Variants in CNOT4 observed in about 807,000 individuals in gnomAD.
CNOT4 encodes CCR4-associated factor 4.
A neutral mutation model predicts 73.8 loss-of-function variants in CNOT4; 8 were observed. The observed-to-expected ratio is 0.11, with a 90% CI of 0.06 to 0.20. The LOEUF (loss-of-function observed/expected upper bound fraction) is 0.20. Ranked by LOEUF, CNOT4 falls within the 10% of genes least tolerant of loss-of-function variation. The pLI is 1.00. For synonymous variants in CNOT4, 293 were observed against 321.1 expected, an observed-to-expected ratio of 0.91 and a Z score of 0.94; for missense variants, 564 against 883.4, an observed-to-expected ratio of 0.64 and a Z score of 4.58.
In CNOT4 at chr7:135,499,322, C is replaced by CA. The variant is rs569162633; in HGVS notation, c.-93+10566dup. ...GAAAAGGTATGTAGATAAAGGCAGC[C>CA]AAAAAAACAATGCCATCAATGCCAT... On this transcript the variant is annotated intron_variant, in intron 1 of 11. Transcript: ENST00000541284. 2.0e-3 allele frequency among the ~76,000 whole-genome samples: 303 copies of CA among 151,566 alleles called. 1 individual carries two copies. The highest frequency in any genetic ancestry group is 7.0e-3 in the African/African-American group (291 of 41,340).
chr7:135,500,660 C>T (rs1402029495), intron 1 of CNOT4, among the ~76,000 whole-genome samples: 4 of 152,296 alleles, frequency 2.6e-5, no homozygotes, highest in Admixed American at 6.5e-5. Context: ...TACCTTTATT[C>T]ATCCTTAAAG....
intron 10 of CNOT4, among the ~76,000 whole-genome samples, chr7:135,371,810 G>A (rs571492676): frequency 6.6e-6 from 1 of 152,264 alleles, no homozygotes; most frequent in Admixed American, 6.5e-5. Context: ...ACCCTTAGAA[G>A]CATCACAGAC....
At chr7:135,469,705 C>T (rs1399478290) in intron 1 of CNOT4, among the ~76,000 whole-genome samples, 1 of 152,166 alleles carries the variant, frequency 6.6e-6, no homozygotes, top group African/African-American at 2.4e-5. Flanking sequence ...TATGGCCTAG[C>T]AATTCCAATT....
In CNOT4 at chr7:135,431,737, C is replaced by T. The variant is rs192871113; in HGVS notation, c.174+6421G>A. Among the ~76,000 whole-genome samples, 546 of 81,732 alleles carry T rather than the reference C, an allele frequency of 6.7e-3. 4 individuals carry two copies. The highest frequency in any genetic ancestry group is 0.026 in the African/African-American group (525 of 20,036). The allele number at this position is 81,732 out of a possible 152,430, so 53.6% of individuals were successfully genotyped here. A position where few individuals can be genotyped will look rare whatever the true frequency, so the allele number is the denominator to read the frequency against. On this transcript the variant is annotated intron_variant, in intron 2 of 11. Transcript: ENST00000541284. ...CAGCCTGGGTGACATGAGTGAAACT[C>T]CATCTCAAAAAAAAAAAGAAACATA... is the stretch of plus-strand genomic sequence containing the variant.
At chr7:135,386,433 G>A (rs1212937934) in intron 10 of CNOT4, 2 of 152,076 alleles carry the variant, frequency 1.3e-5, no homozygotes, top group African/African-American at 4.8e-5. Flanking sequence ...AAAACCTGAA[G>A]CTTTTAAAGA....
At chr7:135,388,945 A>C in intron 10 of CNOT4, 1 of 1,568,938 alleles carries the variant, frequency 6.4e-7, no homozygotes, top group East Asian at 2.3e-5. Flanking sequence ...ATTTGTTAAC[A>C]GTCCCTTTAA....
chr7:135,490,155 C>T (rs779079759), intron 1 of CNOT4, among the ~76,000 whole-genome samples: 6 of 152,194 alleles, frequency 3.9e-5, no homozygotes, highest in Non-Finnish European at 5.9e-5. Flanking sequence ...ACGATTTCTT[C>T]GTTACATATT....
In CNOT4 at chr7:135,457,938, T is replaced by C. The variant is rs576748482; in HGVS notation, c.-92-19515A>G. Among the ~76,000 whole-genome samples the C allele has an allele frequency of 3.9e-5, 6 of 152,232 alleles. No homozygotes were observed. The East Asian group carries it at 9.6e-4, about 24-fold the overall frequency. On this transcript the variant is annotated intron_variant, in intron 1 of 11. Transcript: ENST00000541284. ...CAACATTTCTCCTTTGTGTAAATCA[T>C]AGGTTACGACTCTCAATGAATATTA...
At chr7:135,393,366 T>C (rs1192134542) in intron 10 of CNOT4, among the ~76,000 whole-genome samples, 2 of 152,148 alleles carry the variant, frequency 1.3e-5, no homozygotes, top group African/African-American at 4.8e-5. Flanking sequence ...AAAAGGTGTA[T>C]GTCTGAGACA....
chr7:135,368,870 G>A (rs908494956), intron 10 of CNOT4, among the ~76,000 whole-genome samples: 14 of 152,180 alleles, frequency 9.2e-5, no homozygotes, highest in African/African-American at 3.4e-4. Context: ...AGCACACACA[G>A]TTAGCATTAA....
intron 7 of CNOT4, among the ~76,000 whole-genome samples, chr7:135,398,503 A>G (rs1349046376): frequency 6.6e-6 from 1 of 152,082 alleles, no homozygotes; most frequent in Non-Finnish European, 1.5e-5. Context: ...AGAGCATTTC[A>G]GAGTTCAGAT....
chr7:135,376,026 G>GA (rs906008111), intron 10 of CNOT4, among the ~76,000 whole-genome samples: 124 of 140,512 alleles, frequency 8.8e-4, no homozygotes, highest in South Asian at 8.1e-3. Context: ...AAGTTCAGAG[G>GA]AAAAAAAAAA....
Position 135,364,730 on chromosome 7 carries a change from T to C in CNOT4, c.1628-664A>G, listed in dbSNP as rs1794823417. ...CAGTCTGCCTGCTCTACTCCAACAG[T>C]TCTACCAATCATTCACAGCCTGAGT... is the stretch of plus-strand genomic sequence containing the variant. On this transcript the variant is annotated intron_variant, in intron 10 of 11. Coordinates refer to ENST00000541284, the MANE Select transcript of CNOT4 (RefSeq NM_001190850.2). This position sits in a 1 kb window ranked among gnomAD's most constrained non-coding sequence, Gnocchi z 4.3. Among the ~76,000 whole-genome samples, 1 of 152,220 alleles carries C rather than the reference T, an allele frequency of 6.6e-6. No homozygotes were observed. The highest frequency in any genetic ancestry group is 1.5e-5 in the Non-Finnish European group (1 of 68,042).
rs1563083684 is a variant in CNOT4, at chr7:135,495,763, A to ATT, written c.-93+14125_-93+14126insAA. 1.9e-3 allele frequency among the ~76,000 whole-genome samples: 267 copies of ATT among 141,312 alleles called. 6 individuals carry two copies. Among genetic ancestry groups the ATT allele is most frequent in the African/African-American group, 6.0e-3 (230 of 38,022 alleles). 92.7% of individuals were successfully genotyped at this position (141,312 alleles called of 152,430 possible). A position where few individuals can be genotyped will look rare whatever the true frequency, so the allele number is the denominator to read the frequency against. ...GAAAGAAAGAAAGAAAGAAAGAAAG[A>ATT]AATTTAAGAACATTCAGGGCTGGGT... On this transcript the variant is annotated intron_variant, in intron 1 of 11. Coordinates refer to ENST00000541284, the MANE Select transcript of CNOT4 (RefSeq NM_001190850.2).
chr7:135,363,399 T>A lies in CNOT4; in HGVS notation c.1841-213A>T, dbSNP rs1794745498. On this transcript the variant is annotated intron_variant, in intron 11 of 11. Coordinates refer to ENST00000541284, the MANE Select transcript of CNOT4 (RefSeq NM_001190850.2). This position sits in a 1 kb window ranked among gnomAD's most constrained non-coding sequence, Gnocchi z 4.3. The stretch of plus-strand genomic sequence containing the variant: ...ATGCCTCCTCTTGAACTAGACTTAG[T>A]CCCCCACTGTCACAGAGGCAGAGCT... Among the ~76,000 whole-genome samples the A allele has an allele frequency of 6.6e-6, 1 of 152,148 alleles. No individual in the cohort carries two copies. The highest frequency in any genetic ancestry group is 2.4e-5 in the African/African-American group (1 of 41,430).
At chr7:135,481,528 A>C (rs1208812137) in intron 1 of CNOT4, among the ~76,000 whole-genome samples, 1 of 152,170 alleles carries the variant, frequency 6.6e-6, no homozygotes, top group African/African-American at 2.4e-5. Context: ...ACTATGAAAA[A>C]CAGTATGGAG....
chr7:135,382,364 G>A (rs1795894976), intron 10 of CNOT4, among the ~76,000 whole-genome samples: 1 of 152,168 alleles, frequency 6.6e-6, no homozygotes, highest in African/African-American at 2.4e-5. Flanking sequence ...GCAAATCACA[G>A]GGTGATAAGG....
At chr7:135,495,700 AAG>A (rs1803496805) in intron 1 of CNOT4, among the ~76,000 whole-genome samples, 1 of 39,608 alleles carries the variant, frequency 2.5e-5, no homozygotes, top group African/African-American at 7.9e-5. Flanking sequence ...AAAAGAAAGA[AAG>A]AAAGAAAGAA....
chr7:135,491,203 T>C (rs1211560587), intron 1 of CNOT4, among the ~76,000 whole-genome samples: 10 of 152,104 alleles, frequency 6.6e-5, no homozygotes, highest in Admixed American at 6.5e-4. Flanking sequence ...GATATAAAAA[T>C]AAGGAGTTAC....
Sources: gnomAD v4.1 joint callset for allele counts (sites outside exome capture counted in the v4.1 genomes callset) on GRCh38, gnomAD v4.1.1 for gene constraint, Gnocchi (gnomAD v3.1) non-coding constraint, MANE v1.5 for transcripts, NCBI Gene and HGNC (gene_info 2026-07-23, HGNC 2026-07-21) for gene names.